The following PTDSS1 variants were observed in gnomAD, a reference collection of about 807,000 sequenced individuals.
PTDSS1 encodes the protein PSS-1.
PTDSS1 carries 45 observed loss-of-function variants against 70.5 expected under a neutral mutation model. The observed-to-expected ratio is 0.64, with a 90% CI of 0.50 to 0.82. The LOEUF is 0.82. Among genes scored for constraint, PTDSS1 ranks in the 40% least tolerant of loss-of-function variants. The probability of loss-of-function intolerance (pLI) is 0.00; values close to 1 mark genes in which losing one functional copy is unlikely to be tolerated. For synonymous variants in PTDSS1, 188 were observed against 203.8 expected, an observed-to-expected ratio of 0.92 and a Z score of 0.66; for missense variants, 417 against 586.1, an observed-to-expected ratio of 0.71 and a Z score of 2.98.
intron 3 of PTDSS1, among the ~76,000 whole-genome samples, chr8:96,286,636 T>C (rs964096298): frequency 1.7e-4 from 26 of 152,182 alleles, no homozygotes; most frequent in Non-Finnish European, 5.9e-5. Context: ...CCTTGCTCCA[T>C]TCCCCTCTCT....
At chr8:96,328,218 C>G (rs1240975243) in intron 10 of PTDSS1, among the ~76,000 whole-genome samples, 2 of 152,140 alleles carry the variant, frequency 1.3e-5, no homozygotes, top group African/African-American at 2.4e-5. Flanking sequence ...GACCCGCCTC[C>G]CCACAGCCCT....
At chr8:96,273,839 T>C (rs935732058) in intron 2 of PTDSS1, among the ~76,000 whole-genome samples, 16 of 152,228 alleles carry the variant, frequency 1.1e-4, no homozygotes, top group African/African-American at 3.6e-4. Flanking sequence ...TCCCAAGTGA[T>C]CTTTTATCAC....
chr8:96,310,563 G>A (rs1586202658), intron 9 of PTDSS1, among the ~76,000 whole-genome samples: 1 of 151,858 alleles, frequency 6.6e-6, no homozygotes, highest in East Asian at 1.9e-4. Flanking sequence ...GAGAGAAAAT[G>A]GATTGGTTGC....
intron 10 of PTDSS1, among the ~76,000 whole-genome samples, chr8:96,328,674 T>A (rs573513952): frequency 6.6e-6 from 1 of 152,330 alleles, no homozygotes; most frequent in South Asian, 2.1e-4. Flanking sequence ...AGTGTTGCTC[T>A]CCTTTCTTTT....
rs1810418105 is a variant in PTDSS1, at chr8:96,262,292, G to T, written c.179+73G>T. On this transcript the variant is annotated intron_variant, in intron 1 of 12. Coordinates refer to ENST00000517309, the MANE Select transcript of PTDSS1 (RefSeq NM_014754.3). The surrounding 1 kb of genome is among the most constrained non-coding windows in gnomAD (Gnocchi z 4.4). Reference sequence around the variant, plus strand: ...AGGCGGGAGGGAGGGTGGCGGGGAGGGGGGCCCGGCATGGCTCTGGGTGAG... The same window carrying T: ...AGGCGGGAGGGAGGGTGGCGGGGAGTGGGGCCCGGCATGGCTCTGGGTGAG... 6.8e-7 allele frequency: 1 copy of T among 1,476,026 alleles called. No homozygotes were observed. Among genetic ancestry groups the T allele is most frequent in the South Asian group, 1.2e-5 (1 of 82,156 alleles). 91.4% of individuals were successfully genotyped at this position (1,476,026 alleles called of 1,614,324 possible).
At position 96,320,873 on chromosome 8, in the gene PTDSS1, CTG is replaced by C. The variant is rs1235137758; in HGVS notation, c.1173+530_1173+531del. On this transcript the variant is annotated intron_variant, in intron 10 of 12. Coordinates refer to ENST00000517309, the MANE Select transcript of PTDSS1 (RefSeq NM_014754.3). Reference sequence around the variant, plus strand: ...CACCTTCCGCTCTGAAGGGAAGAGCCTGTAGGGACACCAGCCTAAGCCTTGGT... The same window carrying C: ...CACCTTCCGCTCTGAAGGGAAGAGCCTAGGGACACCAGCCTAAGCCTTGGT... 3.3e-5 allele frequency among the ~76,000 whole-genome samples: 5 copies of C among 152,336 alleles called. No individual in the cohort carries two copies. The East Asian group carries it at 9.6e-4, about 29-fold the overall frequency.
At chr8:96,287,627 A>G (rs150971833) in intron 4 of PTDSS1, among the ~76,000 whole-genome samples, 120 of 152,152 alleles carry the variant, frequency 7.9e-4, no homozygotes, top group African/African-American at 2.8e-3. Context: ...GCACCTGTCA[A>G]TGTCACTCTC....
chr8:96,295,388 T>A, intron 5 of PTDSS1, 132 bp downstream of exon 5: 1 of 970,636 alleles, frequency 1.0e-6, no homozygotes, highest in Non-Finnish European at 1.4e-6. Context: ...ATTTAAACCA[T>A]CCCATAAGAA....
At chr8:96,314,679 C>T (rs968621341) in intron 9 of PTDSS1, among the ~76,000 whole-genome samples, 4 of 151,654 alleles carry the variant, frequency 2.6e-5, no homozygotes, top group African/African-American at 4.8e-5. Context: ...TCACTGCAAG[C>T]TCCGCCTCCC....
chr8:96,310,365 G>C (rs73271897), intron 9 of PTDSS1, among the ~76,000 whole-genome samples: 2 of 151,354 alleles, frequency 1.3e-5, no homozygotes, highest in Non-Finnish European at 1.5e-5. Flanking sequence ...GGGTTTCACC[G>C]TGTTGGTCAG....
chr8:96,276,970 G>GCACACACACA (rs1295032798), intron 2 of PTDSS1, among the ~76,000 whole-genome samples: 14 of 115,604 alleles, frequency 1.2e-4, no homozygotes, highest in African/African-American at 4.5e-4. Flanking sequence ...ATACACGCGC[G>GCACACACACA]CACGCGCGCG....
chr8:96,307,241 A>G (rs963406539), intron 8 of PTDSS1, among the ~76,000 whole-genome samples: 1 of 152,134 alleles, frequency 6.6e-6, no homozygotes, highest in Non-Finnish European at 1.5e-5. Flanking sequence ...ATGAGTAGCA[A>G]CACCAAAGAT....
rs1206923512 is a variant in PTDSS1, at chr8:96,291,452, C to CA, written c.442-3646_442-3645insA. On this transcript the variant is annotated intron_variant, in intron 4 of 12. Transcript: ENST00000517309. The stretch of plus-strand genomic sequence containing the variant: ...TTAAACCTAAAATAGATGGGCTTTT[C>CA]TTTTTTTTTTTTTTTTTGGCATAAC... Among the ~76,000 whole-genome samples the CA allele has an allele frequency of 4.9e-5, 6 of 123,616 alleles. No homozygotes were observed. The East Asian group carries it at 1.2e-3, about 24-fold the overall frequency. The allele number at this position is 123,616 out of a possible 152,430, so 81.1% of individuals were successfully genotyped here.
intron 4 of PTDSS1, among the ~76,000 whole-genome samples, chr8:96,291,207 A>G (rs1810898234): frequency 6.6e-6 from 1 of 152,070 alleles, no homozygotes; most frequent in South Asian, 2.1e-4. Context: ...AGAGTCTACT[A>G]GAAGGCAAAT....
rs1811568789 is a variant in PTDSS1, at chr8:96,334,537, T to C, written c.*971T>C. The stretch of plus-strand genomic sequence containing the variant: ...CCTGTTTTAAATAAAAACGATTCAC[T>C]TTAAAGCCTATCAAAGGTCTGTCTG... On this transcript the variant is annotated 3_prime_UTR_variant, in exon 13 of 13. Transcript: ENST00000517309. 2 of 152,678 alleles carry C rather than the reference T, an allele frequency of 1.3e-5. No individual in the cohort carries two copies. Among genetic ancestry groups the C allele is most frequent in the Non-Finnish European group, 2.9e-5 (2 of 68,046 alleles). 9.5% of individuals were successfully genotyped at this position (152,678 alleles called of 1,614,324 possible).
At chr8:96,328,045 T>C (rs1811462700) in intron 10 of PTDSS1, among the ~76,000 whole-genome samples, 1 of 152,122 alleles carries the variant, frequency 6.6e-6, no homozygotes, top group Non-Finnish European at 1.5e-5. Flanking sequence ...TGTGTGACGA[T>C]TGTGATGATA....
intron 1 of PTDSS1, among the ~76,000 whole-genome samples, chr8:96,271,457 C>T (rs1810564907): frequency 6.6e-6 from 1 of 152,072 alleles, no homozygotes; most frequent in Admixed American, 6.6e-5. Flanking sequence ...TTTTGGTGGA[C>T]ATTTAGATTG....
chr8:96,317,909 G>GTGTGTGTGTA (rs1554585834), intron 9 of PTDSS1, among the ~76,000 whole-genome samples: 55 of 117,004 alleles, frequency 4.7e-4, no homozygotes, highest in East Asian at 1.4e-3. Flanking sequence ...GTGTGTGTGT[G>GTGTGTGTGTA]TGTGTGTGTG....
chr8:96,316,678 C>G (rs1198295133), intron 9 of PTDSS1, among the ~76,000 whole-genome samples: 2 of 151,906 alleles, frequency 1.3e-5, no homozygotes, highest in African/African-American at 4.8e-5. Context: ...AAAATAAAAG[C>G]TGAAAAAAAT....
Sources: allele counts gnomAD v4.1 joint callset (sites outside exome capture counted in the v4.1 genomes callset), GRCh38; gene constraint gnomAD v4.1.1; non-coding constraint Gnocchi (gnomAD v3.1); transcripts MANE v1.5; gene names NCBI Gene and HGNC (gene_info 2026-07-23, HGNC 2026-07-21).